Variants in SUMF1 observed in about 807,000 individuals in gnomAD.
The protein encoded by SUMF1 is formylglycine-generating enzyme.
A neutral mutation model predicts 47.6 loss-of-function variants in SUMF1; 48 were observed. The ratio of observed to expected loss-of-function variants is 1.01; its 90% CI spans 0.80 to 1.28. SUMF1 has a LOEUF of 1.28. Ranked by LOEUF, SUMF1 falls within the 50% of genes most tolerant of loss-of-function variation. The pLI is 0.00. For missense variants in SUMF1, 571 were observed against 485.4 expected, an observed-to-expected ratio of 1.18 and a Z score of -1.66; for synonymous variants, 230 against 192.1, an observed-to-expected ratio of 1.20 and a Z score of -1.63.
intron 8 of SUMF1, among the ~76,000 whole-genome samples, chr3:4,186,101 C>A (rs1392210893): frequency 1.3e-5 from 2 of 152,092 alleles, no homozygotes; most frequent in Non-Finnish European, 2.9e-5. Context: ...TCAAATACAC[C>A]CAAGATGTTA....
chr3:4,141,085 T>C (rs139657221), intron 8 of SUMF1, among the ~76,000 whole-genome samples: 57 of 152,262 alleles, frequency 3.7e-4, no homozygotes, highest in African/African-American at 1.3e-3. Context: ...ATGAGATTAG[T>C]ATTTAGAGAC....
chr3:4,440,977 T>C (rs1415460906), intron 3 of SUMF1, among the ~76,000 whole-genome samples: 1 of 144,420 alleles, frequency 6.9e-6, no homozygotes, highest in Non-Finnish European at 1.6e-5. Context: ...ATATCTTAAA[T>C]ACTATCCTTT....
intron 8 of SUMF1, among the ~76,000 whole-genome samples, chr3:4,195,441 A>G (rs545430445): frequency 3.9e-5 from 6 of 152,274 alleles, no homozygotes; most frequent in Non-Finnish European, 7.4e-5. Context: ...ACAAGGCAAG[A>G]GCTGTACCTA....
chr3:4,080,728 T>C (rs1484635812), intron 8 of SUMF1, among the ~76,000 whole-genome samples: 1 of 152,200 alleles, frequency 6.6e-6, no homozygotes, highest in Non-Finnish European at 1.5e-5. Flanking sequence ...ATATTTGTAC[T>C]AGATAATTTT....
chr3:4,131,984 C>T (rs1448997528), intron 8 of SUMF1, among the ~76,000 whole-genome samples: 1 of 152,058 alleles, frequency 6.6e-6, no homozygotes, highest in East Asian at 1.9e-4. Context: ...GTGCTGAGTG[C>T]CCAATTTGCC....
chr3:4,313,362 A>C, intron 8 of SUMF1: 1 of 1,614,016 alleles, frequency 6.2e-7, no homozygotes, highest in Non-Finnish European at 8.5e-7. Context: ...AGGTAATGGA[A>C]ACATTTGTTG....
chr3:4,285,170 A>G (rs1697608121), intron 8 of SUMF1, among the ~76,000 whole-genome samples: 2 of 152,204 alleles, frequency 1.3e-5, no homozygotes, highest in Non-Finnish European at 2.9e-5. Flanking sequence ...AGGCATAACT[A>G]TAGCCAAATC....
chr3:4,052,104 C>G (rs1234829297), intron 9 of SUMF1, among the ~76,000 whole-genome samples: 3 of 152,082 alleles, frequency 2.0e-5, no homozygotes, highest in Non-Finnish European at 4.4e-5. Flanking sequence ...TGGAGGCTAA[C>G]AAGTCCAAGA....
chr3:4,267,237 C>G (rs1006049000), intron 8 of SUMF1, among the ~76,000 whole-genome samples: 4 of 152,266 alleles, frequency 2.6e-5, no homozygotes, highest in Admixed American at 2.6e-4. Flanking sequence ...ATGCTGGCCT[C>G]ATAAAATGAG....
intron 8 of SUMF1, among the ~76,000 whole-genome samples, chr3:4,129,783 G>A (rs187462567): frequency 6.6e-6 from 1 of 152,264 alleles, no homozygotes; most frequent in Non-Finnish European, 1.5e-5. Context: ...TCCAGTTAAA[G>A]TAGGGGCTTA....
chr3:4,349,582 C>A (rs1394538853), intron 8 of SUMF1, among the ~76,000 whole-genome samples: 1 of 152,186 alleles, frequency 6.6e-6, no homozygotes, highest in Non-Finnish European at 1.5e-5. Context: ...ATGGAACCAA[C>A]CCAAATGCCC....
chr3:4,280,226 A>G (rs1165270901), intron 8 of SUMF1, among the ~76,000 whole-genome samples: 3 of 152,232 alleles, frequency 2.0e-5, no homozygotes, highest in Non-Finnish European at 2.9e-5. Flanking sequence ...TAAAAATTAA[A>G]ATGTTTTAAA....
intron 8 of SUMF1, among the ~76,000 whole-genome samples, chr3:4,230,762 AT>A (rs1696282028): frequency 6.6e-6 from 1 of 152,054 alleles, no homozygotes; most frequent in African/African-American, 2.4e-5. Flanking sequence ...ACCAGCCCCC[AT>A]TCTGAAGCTG....
At chr3:4,083,732 T>A (rs1253129751) in intron 8 of SUMF1, among the ~76,000 whole-genome samples, 1 of 151,930 alleles carries the variant, frequency 6.6e-6, no homozygotes, top group South Asian at 2.1e-4. Context: ...TGTGACATCA[T>A]GCCTATCCTC....
chr3:4,267,098 T>C (rs1389291617), intron 8 of SUMF1, among the ~76,000 whole-genome samples: 1 of 152,168 alleles, frequency 6.6e-6, no homozygotes, highest in African/African-American at 2.4e-5. Flanking sequence ...GTGGATAAGC[T>C]TTTTGATGTG....
chr3:4,396,034 G>A (rs1701028934), intron 7 of SUMF1, among the ~76,000 whole-genome samples: 1 of 152,212 alleles, frequency 6.6e-6, no homozygotes, highest in South Asian at 2.1e-4. Context: ...TTTAGAGATT[G>A]AAAGGTGGAA....
At chr3:4,310,081 T>C (rs1698345561) in intron 8 of SUMF1, among the ~76,000 whole-genome samples, 1 of 152,224 alleles carries the variant, frequency 6.6e-6, no homozygotes, top group African/African-American at 2.4e-5. Context: ...GTGGTGTTTG[T>C]GTATCTAAAC....
intron 8 of SUMF1, among the ~76,000 whole-genome samples, chr3:4,372,033 C>T (rs929903375): frequency 1.3e-5 from 2 of 152,134 alleles, no homozygotes; most frequent in South Asian, 2.1e-4. Context: ...GCAGGCCGGG[C>T]ATGGTGGCTC....
intron 8 of SUMF1, among the ~76,000 whole-genome samples, chr3:4,081,013 T>C (rs1291003949): frequency 3.3e-5 from 5 of 152,272 alleles, no homozygotes; most frequent in African/African-American, 7.2e-5. Flanking sequence ...CTGGTAAGAA[T>C]TGTTTAAAGG....
Sources: allele counts gnomAD v4.1 joint callset (sites outside exome capture counted in the v4.1 genomes callset), GRCh38; gene constraint gnomAD v4.1.1; transcripts MANE v1.5; gene names NCBI Gene and HGNC (gene_info 2026-07-23, HGNC 2026-07-21).